DOCK1: variants seen among roughly 807,000 people sequenced by gnomAD.
The protein encoded by DOCK1 is dedicator of cytokinesis 1.
Under a neutral mutation model 262.7 loss-of-function variants are expected in DOCK1, and 138 were observed. The ratio of observed to expected loss-of-function variants is 0.53; its 90% CI spans 0.46 to 0.61. The LOEUF (loss-of-function observed/expected upper bound fraction) is 0.61, where lower values mean the gene tolerates loss of function less well. Ranked by LOEUF, DOCK1 falls within the 20% of genes least tolerant of loss-of-function variation. The pLI, the probability that DOCK1 is intolerant of heterozygous loss-of-function variation, is 0.00. For synonymous variants in DOCK1, 866 were observed against 867.4 expected (o/e 1.00, Z 0.03); for missense variants, 1,908 against 2,370.7 (o/e 0.80, Z 4.05).
chr10:127,289,680 G>A (rs919805044), intron 29 of DOCK1, among the ~76,000 whole-genome samples: 1 of 152,040 alleles, frequency 6.6e-6, no homozygotes. Context: ...GCATCTGAGT[G>A]CAGTTTTATA....
In DOCK1 at chr10:127,175,153, G is replaced by T; in HGVS notation, c.2847+47389G>T. 1.4e-6 allele frequency: 2 copies of T among 1,430,568 alleles called. No individual in the cohort carries two copies. The highest frequency in any genetic ancestry group is 1.3e-5 in the South Asian group (1 of 76,780). The allele number at this position is 1,430,568 out of a possible 1,614,324, so 88.6% of individuals were successfully genotyped here. A position where few individuals can be genotyped will look rare whatever the true frequency, so the allele number is the denominator to read the frequency against. ...TTACAGACTTGGGTTTGGGGCTACA[G>T]ATGGACTCTGTGGTGATCAGCCTGC... On this transcript the variant is annotated intron_variant, in intron 27 of 51. Transcript: ENST00000623213. This position sits in a 1 kb window ranked among gnomAD's most constrained non-coding sequence, Gnocchi z 6.3.
intron 4 of DOCK1, among the ~76,000 whole-genome samples, chr10:126,987,173 T>A (rs1273963407): frequency 6.6e-6 from 1 of 152,192 alleles, no homozygotes; most frequent in Non-Finnish European, 1.5e-5. Context: ...TATGGCATCT[T>A]TAAGATAGAT....
chr10:127,293,403 A>G (rs1422095861), intron 29 of DOCK1, among the ~76,000 whole-genome samples: 4 of 152,202 alleles, frequency 2.6e-5, no homozygotes, highest in African/African-American at 7.2e-5. Flanking sequence ...GGCTGGTGCC[A>G]TGAAGGAGTG....
At chr10:126,926,267 T>A (rs373990689) in intron 1 of DOCK1, among the ~76,000 whole-genome samples, 22 of 151,608 alleles carry the variant, frequency 1.5e-4, no homozygotes, top group Non-Finnish European at 1.9e-4. Context: ...TTTTTTTTTT[T>A]AAATACTAGA....
chr10:127,175,727 C>T lies in DOCK1; in HGVS notation c.2847+47963C>T. The T allele has an allele frequency of 6.2e-7, 1 of 1,614,040 alleles. No homozygotes were observed. Among genetic ancestry groups the T allele is most frequent in the Non-Finnish European group, 8.5e-7 (1 of 1,180,028 alleles). ...GGTCCTGCTTGGCCCTCCCGAGCAG[C>T]TGGTAATCGGGCTCTTCGGATGGAG... On this transcript the variant is annotated intron_variant, in intron 27 of 51. Coordinates refer to ENST00000623213, the MANE Select transcript of DOCK1 (RefSeq NM_001290223.2). This position sits in a 1 kb window ranked among gnomAD's most constrained non-coding sequence, Gnocchi z 6.3.
chr10:126,905,448 C>A lies in DOCK1; in HGVS notation c.-70C>A. 1 of 469,050 alleles carries A rather than the reference C, an allele frequency of 2.1e-6. No homozygotes were observed. The highest frequency in any genetic ancestry group is 3.9e-6 in the Non-Finnish European group (1 of 254,224). 29.1% of individuals were successfully genotyped at this position (469,050 alleles called of 1,614,324 possible). Reference sequence around the variant, plus strand: ...TTTTCCTCCCCATCCTGTCGCGGCTCGAAAGGAATGGAAAATGGCGGCCTA... The same window carrying A: ...TTTTCCTCCCCATCCTGTCGCGGCTAGAAAGGAATGGAAAATGGCGGCCTA... On this transcript the variant is annotated 5_prime_UTR_variant, in exon 1 of 52. Coordinates refer to ENST00000623213, the MANE Select transcript of DOCK1 (RefSeq NM_001290223.2).
At chr10:127,229,438 C>A (rs1219629100) in intron 27 of DOCK1, among the ~76,000 whole-genome samples, 5 of 152,194 alleles carry the variant, frequency 3.3e-5, no homozygotes, top group Non-Finnish European at 7.3e-5. Context: ...CTTTCTGCTT[C>A]TATGAGTTCG....
At chr10:127,397,048 A>G (rs1193753118) in intron 38 of DOCK1, among the ~76,000 whole-genome samples, 1 of 134,788 alleles carries the variant, frequency 7.4e-6, no homozygotes, top group Non-Finnish European at 1.5e-5. Context: ...GGCGACTCCT[A>G]TGTGATCTGA....
chr10:127,339,695 TTGTGTGTG>T (rs112206811), intron 30 of DOCK1, among the ~76,000 whole-genome samples: 24 of 109,740 alleles, frequency 2.2e-4, no homozygotes, highest in East Asian at 6.7e-4. Context: ...CTGGCCTGAT[TTGTGTGTG>T]TGTGTGTGTG....
rs961055187 is a variant in DOCK1 at position 126,928,698 on chromosome 10, C to T, written c.46+23135C>T. ...GTCCTTGTTAAGAAGAGGAGGGACG[C>T]ATGAGAACTCAGCCATGTGAGGATG... On this transcript the variant is annotated intron_variant, in intron 1 of 51. Coordinates refer to ENST00000623213, the MANE Select transcript of DOCK1 (RefSeq NM_001290223.2). Among the ~76,000 whole-genome samples the T allele has an allele frequency of 3.5e-4, 54 of 152,224 alleles. 1 individual carries two copies. The highest frequency in any genetic ancestry group is 3.5e-3 in the Admixed American group (54 of 15,278).
At chr10:127,133,506 C>T (rs561598986) in intron 27 of DOCK1, among the ~76,000 whole-genome samples, 1 of 152,202 alleles carries the variant, frequency 6.6e-6, no homozygotes, top group East Asian at 1.9e-4. Flanking sequence ...TGTGTGTGTG[C>T]ACCAATGGTT....
At chr10:127,135,037 A>G (rs1394915952) in intron 27 of DOCK1, among the ~76,000 whole-genome samples, 1 of 152,172 alleles carries the variant, frequency 6.6e-6, no homozygotes. Flanking sequence ...TCTAGAGAGA[A>G]GCTACCTCCC....
chr10:127,109,312 CAAG>C (rs1267201315), intron 24 of DOCK1, among the ~76,000 whole-genome samples: 1 of 152,184 alleles, frequency 6.6e-6, no homozygotes, highest in African/African-American at 2.4e-5. Flanking sequence ...TAGTTACTAA[CAAG>C]AGCTCTTCTA....
At chr10:127,085,878 G>T (rs12262231) in intron 23 of DOCK1, among the ~76,000 whole-genome samples, 23,770 of 152,142 alleles carry the variant, frequency 0.16, 2,246 homozygotes, top group African/African-American at 0.26. Context: ...TTTTCTTATT[G>T]TATCACAGTC....
At chr10:127,261,341 GT>G (rs2060097503) in intron 29 of DOCK1, among the ~76,000 whole-genome samples, 23 of 144,112 alleles carry the variant, frequency 1.6e-4, no homozygotes, top group African/African-American at 2.4e-4. Flanking sequence ...GGGTGTGCGT[GT>G]GTGTACCCGT....
chr10:126,953,358 G>A (rs1474751838), intron 1 of DOCK1, among the ~76,000 whole-genome samples: 2 of 151,120 alleles, frequency 1.3e-5, no homozygotes, highest in African/African-American at 2.4e-5. Flanking sequence ...GGTTGTGGTA[G>A]TATTGTTGGT....
chr10:127,051,667 C>T (rs2044732572), intron 21 of DOCK1, among the ~76,000 whole-genome samples: 1 of 152,186 alleles, frequency 6.6e-6, no homozygotes, highest in African/African-American at 2.4e-5. Flanking sequence ...ACTGCAACCT[C>T]TGCTTCCTGG....
intron 23 of DOCK1, among the ~76,000 whole-genome samples, chr10:127,078,700 T>G (rs2135990168): frequency 6.6e-6 from 1 of 152,242 alleles, no homozygotes; most frequent in African/African-American, 2.4e-5. Context: ...CCAGCCCAAA[T>G]GCCCATCAGT....
chr10:127,060,438 G>A (rs1242605973), intron 22 of DOCK1, among the ~76,000 whole-genome samples: 1 of 152,208 alleles, frequency 6.6e-6, no homozygotes, highest in East Asian at 1.9e-4. Context: ...TTGCTTTACA[G>A]TGGAATTCAT....
Sources: gnomAD v4.1 joint callset for allele counts (sites outside exome capture counted in the v4.1 genomes callset) on GRCh38, gnomAD v4.1.1 for gene constraint, Gnocchi (gnomAD v3.1) non-coding constraint, MANE v1.5 for transcripts, NCBI Gene and HGNC (gene_info 2026-07-23, HGNC 2026-07-21) for gene names.